Variants in ZNF703 observed in about 807,000 individuals in gnomAD.
The protein encoded by ZNF703 is NocA-like zinc finger 1.
ZNF703 carries 18 observed loss-of-function variants against 30.7 expected under a neutral mutation model. The observed-to-expected ratio is 0.59, with a 90% confidence interval of 0.40 to 0.87. The LOEUF is 0.87. Ranked by LOEUF, ZNF703 falls within the 40% of genes least tolerant of loss-of-function variation. ZNF703 has a pLI of 0.00. For missense variants in ZNF703, 814 were observed against 847.8 expected, an observed-to-expected ratio of 0.96 and a Z score of 0.50; for synonymous variants, 457 against 438.6, an observed-to-expected ratio of 1.04 and a Z score of -0.52.
At position 37,698,955 on chromosome 8, in the gene ZNF703, CCT is replaced by C. The variant is rs912739539; in HGVS notation, c.*282_*283del. Reference sequence around the variant, plus strand: ...CACAAATAACGACATGATCCCCGCCCCTGTTCCTTTCTGTTATTTTTTCTTAG... The same window carrying C: ...CACAAATAACGACATGATCCCCGCCCGTTCCTTTCTGTTATTTTTTCTTAG... On this transcript the variant is annotated 3_prime_UTR_variant, in exon 2 of 2. Coordinates refer to ENST00000331569, the MANE Select transcript of ZNF703 (RefSeq NM_025069.3). 9 of 360,786 alleles carry C rather than the reference CCT, an allele frequency of 2.5e-5. No homozygotes were observed. The highest frequency in any genetic ancestry group is 1.9e-4 in the African/African-American group (9 of 47,658). The allele number at this position is 360,786 out of a possible 1,614,324, so 22.3% of individuals were successfully genotyped here. A position where few individuals can be genotyped will look rare whatever the true frequency, so the allele number is the denominator to read the frequency against.
chr8:37,696,354 G>T lies in ZNF703; in HGVS notation c.243+132G>T. On this transcript the variant is annotated intron_variant, in intron 1 of 1. Coordinates refer to ENST00000331569, the MANE Select transcript of ZNF703 (RefSeq NM_025069.3). This position sits in a 1 kb window ranked among gnomAD's most constrained non-coding sequence, Gnocchi z 8.2. ...TGGTCACGCTGGCGGGCTGAGTGAG[G>T]AGGGGAAGAAAACCGAGGGATCAGA... The T allele has an allele frequency of 7.1e-7, 1 of 1,400,022 alleles. No homozygotes were observed. The highest frequency in any genetic ancestry group is 9.4e-7 in the Non-Finnish European group (1 of 1,067,156). 86.7% of individuals were successfully genotyped at this position (1,400,022 alleles called of 1,614,324 possible).
Position 37,695,842 on chromosome 8 carries a change from AG to A in ZNF703, c.-136del. On this transcript the variant is annotated 5_prime_UTR_variant, in exon 1 of 2. Coordinates refer to ENST00000331569, the MANE Select transcript of ZNF703 (RefSeq NM_025069.3). The stretch of plus-strand genomic sequence containing the variant: ...GCGGCGGCGGCGGAGGCGTCGGTGG[AG>A]GAGGGGAGGCGGCGAGGAGGCGCAG... 1 of 739,018 alleles carries A rather than the reference AG, an allele frequency of 1.4e-6. No homozygotes were observed. Among genetic ancestry groups the A allele is most frequent in the East Asian group, 3.4e-5 (1 of 28,998 alleles). 45.8% of individuals were successfully genotyped at this position (739,018 alleles called of 1,614,324 possible).
Position 37,698,781 on chromosome 8 carries a change from G to A in ZNF703, c.*107G>A, listed in dbSNP as rs375901508. 3.2e-5 allele frequency: 32 copies of A among 987,864 alleles called. No homozygotes were observed. Among genetic ancestry groups the A allele is most frequent in the Non-Finnish European group, 4.2e-5 (31 of 746,578 alleles). The allele number at this position is 987,864 out of a possible 1,614,324, so 61.2% of individuals were successfully genotyped here. A position where few individuals can be genotyped will look rare whatever the true frequency, so the allele number is the denominator to read the frequency against. ...ACCTCCACTACTGCTTGACCCTGCC[G>A]GGATTCCCCACCCAGCCCTTCCCCA... On this transcript the variant is annotated 3_prime_UTR_variant, in exon 2 of 2. Transcript: ENST00000331569.
rs765048667 is a variant in ZNF703, at chr8:37,697,997, G to T, written c.1096G>T (p.Ala366Ser). 2.3e-5 allele frequency: 36 copies of T among 1,559,190 alleles called. No individual in the cohort carries two copies. In the Admixed American group the frequency reaches 6.4e-4, roughly 28 times the overall value. ...KPPSSSPLTG[A>S]SPPSFLQGLC... ...CCCCAGCTCCAGCCCGCTCACCGGG[G>T]CCTCCCCGCCCTCCTTCCTGCAGGG... The change falls in exon 2 of 2, where the codon GCC becomes TCC. Residue 366 changes from alanine to serine, a missense_variant. Coordinates refer to ENST00000331569, the MANE Select transcript of ZNF703 (RefSeq NM_025069.3).
At position 37,698,704 on chromosome 8, in the gene ZNF703, C is replaced by A; in HGVS notation, c.*30C>A. Reference sequence around the variant, plus strand: ...AGCTCTTCCTCCACCCCAGCCCCCTCACCCTCCTCCCTCTCCCTCCTCCTC... The same window carrying A: ...AGCTCTTCCTCCACCCCAGCCCCCTAACCCTCCTCCCTCTCCCTCCTCCTC... On this transcript the variant is annotated 3_prime_UTR_variant, in exon 2 of 2. Coordinates refer to ENST00000331569, the MANE Select transcript of ZNF703 (RefSeq NM_025069.3). The A allele has an allele frequency of 7.2e-7, 1 of 1,396,878 alleles. No homozygotes were observed. The highest frequency in any genetic ancestry group is 1.5e-5 in the African/African-American group (1 of 66,348). 86.5% of individuals were successfully genotyped at this position (1,396,878 alleles called of 1,614,324 possible).
chr8:37,696,014 C>T lies in ZNF703; in HGVS notation c.35C>T (p.Thr12Ile), dbSNP rs775329819. Residue 12 changes from threonine to isoleucine, a missense_variant, in exon 1 of 2, where the codon ACA (threonine) becomes ATA (isoleucine). Thr to Ile is a moderately conservative substitution (Grantham distance 89). Transcript: ENST00000331569. The surrounding 1 kb of genome is among the most constrained non-coding windows in gnomAD (Gnocchi z 8.2). ...TCGCCCGCTGGATCTAACCCAAGGA[C>T]ACCCGAAAGCAGCGGCAGCGGCAGC... Reference protein sequence around the residue: ...SDSPAGSNPRTPESSGSGSGG... With the variant: ...SDSPAGSNPRIPESSGSGSGG... The T allele has an allele frequency of 1.0e-5, 16 of 1,547,368 alleles. No homozygotes were observed. The South Asian group carries it at 1.2e-4, about 11-fold the overall frequency.
In ZNF703 at chr8:37,697,239, TGGC is replaced by T. The variant is rs1176050896; in HGVS notation, c.348_350del (p.Ala117del). Reference sequence around the variant, plus strand: ...CCGCCCTCCTCCAAACTCAACTCGGTGGCGGCGGCGGCCAACGGGCTGGGAGCG... The same window carrying T: ...CCGCCCTCCTCCAAACTCAACTCGGTGGCGGCGGCCAACGGGCTGGGAGCG... On this transcript the variant is annotated inframe_deletion, in exon 2 of 2. Transcript: ENST00000331569. 1 of 1,594,622 alleles carries T rather than the reference TGGC, an allele frequency of 6.3e-7. No homozygotes were observed. The highest frequency in any genetic ancestry group is 8.5e-7 in the Non-Finnish European group (1 of 1,172,818).
rs568050040 is a variant in ZNF703 at position 37,698,415 on chromosome 8, G to GCGCCGCCGC, written c.1534_1542dup (p.Ala512_Ala514dup). On this transcript the variant is annotated inframe_insertion, in exon 2 of 2. Transcript: ENST00000331569. Reference sequence around the variant, plus strand: ...TACCCCGGGGCCTCGGGCCTGGGCAGCGCCGCCGCCGCCGCCGCCGCCGCC... The same window carrying GCGCCGCCGC: ...TACCCCGGGGCCTCGGGCCTGGGCAGCGCCGCCGCCGCCGCCGCCGCCGCCGCCGCCGCC... 31 of 1,483,624 alleles carry GCGCCGCCGC rather than the reference G, an allele frequency of 2.1e-5. No homozygotes were observed. The highest frequency in any genetic ancestry group is 1.3e-4 in the South Asian group (10 of 76,098). 91.9% of individuals were successfully genotyped at this position (1,483,624 alleles called of 1,614,324 possible).
Position 37,695,863 on chromosome 8 carries a change from G to T in ZNF703, c.-117G>T. 1 of 991,868 alleles carries T rather than the reference G, an allele frequency of 1.0e-6. No individual in the cohort carries two copies. Among genetic ancestry groups the T allele is most frequent in the Non-Finnish European group, 1.4e-6 (1 of 731,040 alleles). 61.4% of individuals were successfully genotyped at this position (991,868 alleles called of 1,614,324 possible). A position where few individuals can be genotyped will look rare whatever the true frequency, so the allele number is the denominator to read the frequency against. Reference sequence around the variant, plus strand: ...GTGGAGGAGGGGAGGCGGCGAGGAGGCGCAGCTCCCGCTGCACCGCGATCG... The same window carrying T: ...GTGGAGGAGGGGAGGCGGCGAGGAGTCGCAGCTCCCGCTGCACCGCGATCG... On this transcript the variant is annotated 5_prime_UTR_variant, in exon 1 of 2. Transcript: ENST00000331569.
chr8:37,697,951 G>C lies in ZNF703; in HGVS notation c.1050G>C (p.Leu350=), dbSNP rs1353053615. The C allele has an allele frequency of 6.4e-7, 1 of 1,553,810 alleles. No homozygotes were observed. The highest frequency in any genetic ancestry group is 1.9e-5 in the Admixed American group (1 of 53,466). The change falls in exon 2 of 2, where the codon CTG becomes CTC. Residue 350 remains leucine (L), a synonymous_variant. Coordinates refer to ENST00000331569, the MANE Select transcript of ZNF703 (RefSeq NM_025069.3). ...GLVGGQLSGG[L]GLPPGKPPSS... Reference sequence around the variant, plus strand: ...TGGGAGGCCAGCTGTCTGGGGGCCTGGGCCTGCCGCCGGGCAAGCCCCCCA... The same window carrying C: ...TGGGAGGCCAGCTGTCTGGGGGCCTCGGCCTGCCGCCGGGCAAGCCCCCCA...
chr8:37,695,937 T>TCC lies in ZNF703; in HGVS notation c.-39_-38dup. 7.3e-7 allele frequency: 1 copy of TCC among 1,376,758 alleles called. No homozygotes were observed. Among genetic ancestry groups the TCC allele is most frequent in the Non-Finnish European group, 9.6e-7 (1 of 1,045,490 alleles). 85.3% of individuals were successfully genotyped at this position (1,376,758 alleles called of 1,614,324 possible). A position where few individuals can be genotyped will look rare whatever the true frequency, so the allele number is the denominator to read the frequency against. On this transcript the variant is annotated 5_prime_UTR_variant, in exon 1 of 2. Transcript: ENST00000331569. ...CCCCGGGAGCTCGCCTCCCCGGTGC[T>TCC]CCCCCGCCCTCCCCGCCCCCCCAGC...
chr8:37,699,004 T>G lies in ZNF703; in HGVS notation c.*330T>G. 4.2e-6 allele frequency: 1 copy of G among 239,952 alleles called. No individual in the cohort carries two copies. The highest frequency in any genetic ancestry group is 7.9e-6 in the Non-Finnish European group (1 of 125,912). The allele number at this position is 239,952 out of a possible 1,614,324, so 14.9% of individuals were successfully genotyped here. ...TTAGATATAAGTTTTACATTTTTTATTCCTTTTCCTCTTTTTTTGGTTTTG... is the reference window on the plus strand; with the variant it reads ...TTAGATATAAGTTTTACATTTTTTAGTCCTTTTCCTCTTTTTTTGGTTTTG... On this transcript the variant is annotated 3_prime_UTR_variant, in exon 2 of 2. Coordinates refer to ENST00000331569, the MANE Select transcript of ZNF703 (RefSeq NM_025069.3).
Position 37,697,815 on chromosome 8 carries a change from T to G in ZNF703, c.914T>G (p.Val305Gly). The part of the protein sequence containing the change: ...PVSPYKPGHS[V>G]FPLPPSSIGY... ...TCTCCCTACAAGCCGGGCCACTCGG[T>G]GTTCCCGCTGCCGCCCTCCAGCATT... Residue 305 changes from valine to glycine, a missense_variant, in exon 2 of 2, where the codon GTG becomes GGG. By Grantham distance (109) the Val-to-Gly change is moderately radical (BLOSUM62 -3). Coordinates refer to ENST00000331569, the MANE Select transcript of ZNF703 (RefSeq NM_025069.3). 6.5e-7 allele frequency: 1 copy of G among 1,532,712 alleles called. No homozygotes were observed. Among genetic ancestry groups the G allele is most frequent in the Non-Finnish European group, 8.7e-7 (1 of 1,145,568 alleles). 94.9% of individuals were successfully genotyped at this position (1,532,712 alleles called of 1,614,324 possible). A position where few individuals can be genotyped will look rare whatever the true frequency, so the allele number is the denominator to read the frequency against.
Position 37,699,966 on chromosome 8 carries a change from C to G in ZNF703, c.*1292C>G, listed in dbSNP as rs1432213704. ...CGGGGCCTGTTTGGGACGAACAGAG[C>G]TCTCCCTTGGTAAGACTTATTTTGT... On this transcript the variant is annotated 3_prime_UTR_variant, in exon 2 of 2. Coordinates refer to ENST00000331569, the MANE Select transcript of ZNF703 (RefSeq NM_025069.3). 1 of 152,256 alleles carries G rather than the reference C, an allele frequency of 6.6e-6. No homozygotes were observed. The highest frequency in any genetic ancestry group is 1.5e-5 in the Non-Finnish European group (1 of 68,088). 9.4% of individuals were successfully genotyped at this position (152,256 alleles called of 1,614,324 possible). A position where few individuals can be genotyped will look rare whatever the true frequency, so the allele number is the denominator to read the frequency against.
rs866552378 is a variant in ZNF703 at position 37,697,289 on chromosome 8, G to C, written c.388G>C (p.Ala130Pro). 3.2e-6 allele frequency: 5 copies of C among 1,567,160 alleles called. No individual in the cohort carries two copies. The Middle Eastern group carries it at 8.6e-4, about 270-fold the overall frequency. ...AGCGGAGAAGGACCCCGGCCGCTCA[G>C]CCCCGGGCGCCGCCTCCGCAGCCGC... Reference protein sequence around the residue: ...LGAEKDPGRSAPGAASAAAAL... With the variant: ...LGAEKDPGRSPPGAASAAAAL... Residue 130 changes from alanine to proline, a missense_variant, in exon 2 of 2, where the codon GCC becomes CCC. By Grantham distance (27) the Ala-to-Pro change is conservative. Coordinates refer to ENST00000331569, the MANE Select transcript of ZNF703 (RefSeq NM_025069.3).
Position 37,696,770 on chromosome 8 carries a change from G to A in ZNF703, c.244-375G>A, listed in dbSNP as rs954219508. Among the ~76,000 whole-genome samples the A allele has an allele frequency of 6.6e-6, 1 of 152,128 alleles. No homozygotes were observed. The highest frequency in any genetic ancestry group is 1.5e-5 in the Non-Finnish European group (1 of 68,020). On this transcript the variant is annotated intron_variant, in intron 1 of 1. Coordinates refer to ENST00000331569, the MANE Select transcript of ZNF703 (RefSeq NM_025069.3). This position sits in a 1 kb window ranked among gnomAD's most constrained non-coding sequence, Gnocchi z 8.2. ...AATCCGCGCTCCCCTCTCCTACCCC[G>A]CGGCGCCATCGCCAGAAACCCGTCC...
chr8:37,698,183 C>A lies in ZNF703; in HGVS notation c.1282C>A (p.Leu428Ile). Reference sequence around the variant, plus strand: ...CGGGCACCCGCTGCAGCCCGCCGCGCTCTCGTCCAGCGCCGCCCAGGCCGC... The same window carrying A: ...CGGGCACCCGCTGCAGCCCGCCGCGATCTCGTCCAGCGCCGCCCAGGCCGC... The part of the protein sequence containing the change: ...YPGHPLQPAA[L>I]SSSAAQAALP... The change falls in exon 2 of 2, where the codon CTC (leucine) becomes ATC (isoleucine). Residue 428 changes from leucine to isoleucine, a missense_variant. Physicochemically the swap from Leu to Ile is conservative, Grantham distance 5 (BLOSUM62 2). Coordinates refer to ENST00000331569, the MANE Select transcript of ZNF703 (RefSeq NM_025069.3). 1 of 1,522,370 alleles carries A rather than the reference C, an allele frequency of 6.6e-7. No individual in the cohort carries two copies. The highest frequency in any genetic ancestry group is 2.5e-5 in the East Asian group (1 of 40,198). 94.3% of individuals were successfully genotyped at this position (1,522,370 alleles called of 1,614,324 possible).
At position 37,698,006 on chromosome 8, in the gene ZNF703, C is replaced by T; in HGVS notation, c.1105C>T (p.Pro369Ser). Reference sequence around the variant, plus strand: ...CAGCCCGCTCACCGGGGCCTCCCCGCCCTCCTTCCTGCAGGGATTATGCCG... The same window carrying T: ...CAGCCCGCTCACCGGGGCCTCCCCGTCCTCCTTCCTGCAGGGATTATGCCG... ...SSSPLTGASPPSFLQGLCRDP... is the reference protein window; with the variant it reads ...SSSPLTGASPSSFLQGLCRDP... Residue 369 changes from proline (P) to serine (S), a missense_variant, in exon 2 of 2, where the codon CCC (proline) becomes TCC (serine). By Grantham distance (74) the Pro-to-Ser change is moderately conservative (BLOSUM62 -1). Coordinates refer to ENST00000331569, the MANE Select transcript of ZNF703 (RefSeq NM_025069.3). The T allele has an allele frequency of 6.4e-7, 1 of 1,558,368 alleles. No homozygotes were observed. The highest frequency in any genetic ancestry group is 2.3e-5 in the East Asian group (1 of 43,354).
chr8:37,695,912 C>G lies in ZNF703; in HGVS notation c.-68C>G, dbSNP rs2128904543. The G allele has an allele frequency of 3.1e-6, 4 of 1,304,592 alleles. No individual in the cohort carries two copies. The highest frequency in any genetic ancestry group is 1.6e-5 in the South Asian group (1 of 63,330). 80.8% of individuals were successfully genotyped at this position (1,304,592 alleles called of 1,614,324 possible). A position where few individuals can be genotyped will look rare whatever the true frequency, so the allele number is the denominator to read the frequency against. ...CGACGCTGCGGAGCGAGCCCACCCGCCCCGGGAGCTCGCCTCCCCGGTGCT... is the reference window on the plus strand; with the variant it reads ...CGACGCTGCGGAGCGAGCCCACCCGGCCCGGGAGCTCGCCTCCCCGGTGCT... On this transcript the variant is annotated 5_prime_UTR_variant, in exon 1 of 2. Coordinates refer to ENST00000331569, the MANE Select transcript of ZNF703 (RefSeq NM_025069.3).
Sources: gnomAD v4.1 joint callset for allele counts (sites outside exome capture counted in the v4.1 genomes callset) on GRCh38, gnomAD v4.1.1 for gene constraint, Gnocchi (gnomAD v3.1) non-coding constraint, MANE v1.5 for transcripts, NCBI Gene and HGNC (gene_info 2026-07-23, HGNC 2026-07-21) for gene names.